The following SPINK5 variants were observed in gnomAD, a reference collection of about 807,000 sequenced individuals.
SPINK5 encodes serine protease inhibitor Kazal-type 5.
Under a neutral mutation model 151.8 loss-of-function variants are expected in SPINK5, and 125 were observed. The observed-to-expected ratio is 0.82, with a 90% CI of 0.71 to 0.96. The LOEUF is 0.96. Ranked by LOEUF, SPINK5 falls within the 40% of genes least tolerant of loss-of-function variation. The pLI, the probability that SPINK5 is intolerant of heterozygous loss-of-function variation, is 0.00. For missense variants in SPINK5, 1,194 were observed against 1,291.9 expected, an observed-to-expected ratio of 0.92 and a Z score of 1.16; for synonymous variants, 374 against 395.3, an observed-to-expected ratio of 0.95 and a Z score of 0.64.
At chr5:148,108,628 T>C (rs768422333) in intron 17 of SPINK5, 125 bp from the exon 18 acceptor site, 95 of 1,373,968 alleles carry the variant, frequency 6.9e-5, no homozygotes, top group Middle Eastern at 2.7e-4. Context: ...CCTCTCAGAC[T>C]AGATAAATTT....
intron 11 of SPINK5, among the ~76,000 whole-genome samples, chr5:148,098,572 G>A (rs1351149959): frequency 2.0e-5 from 3 of 151,784 alleles, no homozygotes; most frequent in African/African-American, 7.3e-5. Flanking sequence ...ACATATGGTT[G>A]AAATATCATC....
At chr5:148,089,697 A>G (rs1286532991) in intron 7 of SPINK5, 76 bp downstream of exon 7, 1 of 1,603,610 alleles carries the variant, frequency 6.2e-7, no homozygotes, top group Non-Finnish European at 8.5e-7. Flanking sequence ...CAGCAGAGAG[A>G]TAAAATCCTT....
chr5:148,110,096 A>G (rs1218486757), intron 18 of SPINK5, among the ~76,000 whole-genome samples: 1 of 152,190 alleles, frequency 6.6e-6, no homozygotes, highest in African/African-American at 2.4e-5. Flanking sequence ...TTTCCCTACC[A>G]GTAAGGTCCT....
intron 4 of SPINK5, among the ~76,000 whole-genome samples, chr5:148,074,629 A>G (rs1752833562): frequency 6.6e-6 from 1 of 151,762 alleles, no homozygotes; most frequent in Admixed American, 6.6e-5. Context: ...TATGGTTTCC[A>G]TATACATGTT....
At chr5:148,116,774 T>G (rs576671286) in intron 22 of SPINK5, among the ~76,000 whole-genome samples, 41 of 152,352 alleles carry the variant, frequency 2.7e-4, no homozygotes, top group African/African-American at 9.4e-4. Context: ...CTCTTCATTT[T>G]CTTTCATTAT....
At chr5:148,072,262 G>GT (rs1264820822) in intron 4 of SPINK5, 42 bp downstream of exon 4, 3 of 1,584,602 alleles carry the variant, frequency 1.9e-6, no homozygotes, top group Non-Finnish European at 2.6e-6. Context: ...TTGAGAGGAT[G>GT]TTTGACTCTA....
In SPINK5 at chr5:148,066,905, A is replaced by G. The variant is rs572358144; in HGVS notation, c.81+1533A>G. ...TTAAAGGCAAGAACACAAAGAAGTA[A>G]TTATTTATTTGGAAGCCTTTCTAAT... On this transcript the variant is annotated intron_variant, in intron 2 of 32. Coordinates refer to ENST00000256084, the MANE Select transcript of SPINK5 (RefSeq NM_006846.4). Among the ~76,000 whole-genome samples the G allele has an allele frequency of 2.0e-5, 3 of 152,290 alleles. No homozygotes were observed. The East Asian group carries it at 5.8e-4, about 29-fold the overall frequency.
chr5:148,094,135 A>T (rs936458800), intron 8 of SPINK5, among the ~76,000 whole-genome samples: 38 of 151,870 alleles, frequency 2.5e-4, no homozygotes, highest in Admixed American at 7.9e-4. Flanking sequence ...TCTCTACCAA[A>T]AAGGAAAAAA....
In SPINK5 at chr5:148,133,880, C is replaced by T. The variant is rs1317453231; in HGVS notation, c.3179C>T (p.Pro1060Leu). ...CCAGGAACCACCGCAGCCAGCATGC[C>T]CCCGTCTGTAAGTACATAAGTAGAC... ...STPGTTAASM[P>L]PSDE Residue 1060 changes from proline (P) to leucine (L), a missense_variant, in exon 32 of 33, where the codon CCC (proline) becomes CTC (leucine). Pro to Leu is a moderately conservative substitution (Grantham distance 98). Transcript: ENST00000256084. 1.9e-6 allele frequency: 3 copies of T among 1,613,838 alleles called. No individual in the cohort carries two copies. Among genetic ancestry groups the T allele is most frequent in the South Asian group, 1.1e-5 (1 of 91,076 alleles).
At chr5:148,089,717 C>T (rs1422952799) in intron 7 of SPINK5, 96 bp downstream of exon 7, 1 of 1,571,120 alleles carries the variant, frequency 6.4e-7, no homozygotes, top group Non-Finnish European at 8.7e-7. Flanking sequence ...TTTCATGAAG[C>T]ATGCAATTCT....
intron 20 of SPINK5, among the ~76,000 whole-genome samples, chr5:148,113,755 TAGC>T (rs10569997): frequency 0.45 from 67,753 of 151,762 alleles, 16,422 homozygotes; most frequent in Admixed American, 0.58. Context: ...TTAAAAATAA[TAGC>T]AGTTCATATG....
At chr5:148,132,022 T>C (rs1196115206) in intron 31 of SPINK5, among the ~76,000 whole-genome samples, 2 of 152,228 alleles carry the variant, frequency 1.3e-5, no homozygotes, top group Non-Finnish European at 2.9e-5. Flanking sequence ...GCTGCTGACT[T>C]CACAGATGAT....
At chr5:148,095,392 G>C (rs552882370) in intron 9 of SPINK5, among the ~76,000 whole-genome samples, 1 of 151,914 alleles carries the variant, frequency 6.6e-6, no homozygotes, top group Non-Finnish European at 1.5e-5. Context: ...TATGAATGAA[G>C]ATCTCCCACT....
chr5:148,086,509 A>T lies in SPINK5; in HGVS notation c.387A>T (p.Arg129Ser). Reference protein sequence around the residue: ...CGTDGKTYDNRCALCAENAKT... With the variant: ...CGTDGKTYDNSCALCAENAKT... ...CAGATGGGAAAACATATGACAACAG[A>T]TGTGCACTGTGTGCTGAGAATGCGT... Residue 129 changes from arginine to serine, a missense_variant, in exon 5 of 33, where the codon AGA (arginine) becomes AGT (serine). By Grantham distance (110) the Arg-to-Ser change is moderately radical. Transcript: ENST00000256084. The T allele has an allele frequency of 2.5e-6, 4 of 1,611,708 alleles. No individual in the cohort carries two copies. Among genetic ancestry groups the T allele is most frequent in the Non-Finnish European group, 3.4e-6 (4 of 1,178,638 alleles).
chr5:148,078,182 A>G (rs563241484), intron 4 of SPINK5, among the ~76,000 whole-genome samples: 1 of 151,172 alleles, frequency 6.6e-6, no homozygotes, highest in Non-Finnish European at 1.5e-5. Flanking sequence ...TTAAGACATT[A>G]TTAGAGACAA....
At chr5:148,112,829 G>A in intron 19 of SPINK5, 39 bp from the exon 20 acceptor site, 2 of 1,612,996 alleles carry the variant, frequency 1.2e-6, no homozygotes, top group South Asian at 2.2e-5. Flanking sequence ...TATGTATTGG[G>A]TGCTAGGAAT....
chr5:148,115,539 G>T (rs1234552095), intron 21 of SPINK5, among the ~76,000 whole-genome samples: 2 of 152,142 alleles, frequency 1.3e-5, no homozygotes. Context: ...CGCAGAGCAA[G>T]GAGGTAGGCT....
chr5:148,123,750 T>C (rs1026491311), intron 26 of SPINK5, 83 bp from the exon 27 acceptor site: 24 of 1,588,712 alleles, frequency 1.5e-5, no homozygotes, highest in Non-Finnish European at 2.0e-5. Flanking sequence ...GTGTTATGAG[T>C]TTATATCTAA....
At chr5:148,121,177 A>AAAGAAG (rs1368481337) in intron 26 of SPINK5, among the ~76,000 whole-genome samples, 2 of 151,056 alleles carry the variant, frequency 1.3e-5, no homozygotes, top group African/African-American at 4.8e-5. Context: ...AGGAAAAGAA[A>AAAGAAG]AAGAAGAAAA....
Sources: allele counts gnomAD v4.1 joint callset (sites outside exome capture counted in the v4.1 genomes callset), GRCh38; gene constraint gnomAD v4.1.1; transcripts MANE v1.5; gene names NCBI Gene and HGNC (gene_info 2026-07-23, HGNC 2026-07-21).